Variants in PHACTR1 observed in about 807,000 individuals in gnomAD.
PHACTR1 encodes RPEL repeat containing 1.
Under a neutral mutation model 69.2 loss-of-function variants are expected in PHACTR1, and 16 were observed. That is an observed-to-expected ratio of 0.23 (90% confidence interval 0.16 to 0.35). PHACTR1 has a LOEUF of 0.35. Among genes scored for constraint, PHACTR1 ranks in the 10% least tolerant of loss-of-function variants. The pLI is 1.00. For missense variants in PHACTR1, 510 were observed against 734.7 expected, an observed-to-expected ratio of 0.69 and a Z score of 3.54; for synonymous variants, 312 against 284.5, an observed-to-expected ratio of 1.10 and a Z score of -0.97.
intron 4 of PHACTR1, among the ~76,000 whole-genome samples, chr6:12,981,904 C>T (rs1486085878): frequency 3.3e-5 from 5 of 152,156 alleles, no homozygotes; most frequent in Admixed American, 3.3e-4. Flanking sequence ...GTTGCTTGAA[C>T]CCCATCAAAT....
chr6:13,089,204 A>AC, intron 5 of PHACTR1, among the ~76,000 whole-genome samples: 1 of 151,874 alleles, frequency 6.6e-6, no homozygotes, highest in South Asian at 2.1e-4. Flanking sequence ...TCCCTCCACC[A>AC]CAAGAAGCCC....
intron 4 of PHACTR1, among the ~76,000 whole-genome samples, chr6:12,933,135 C>T (rs1185088016): frequency 6.6e-6 from 1 of 151,934 alleles, no homozygotes; most frequent in Non-Finnish European, 1.5e-5. Context: ...GTGGTTTAGC[C>T]ATGTTGGCCA....
At chr6:13,080,651 G>T (rs1811224578) in intron 5 of PHACTR1, among the ~76,000 whole-genome samples, 1 of 152,134 alleles carries the variant, frequency 6.6e-6, no homozygotes. Context: ...TCTTGGGAAT[G>T]AACTCATTTG....
At chr6:13,261,006 C>CT (rs556293073) in intron 10 of PHACTR1, among the ~76,000 whole-genome samples, 112 of 152,340 alleles carry the variant, frequency 7.4e-4, no homozygotes, top group African/African-American at 2.6e-3. Context: ...ACCCTGGCCT[C>CT]TATCTACCGG....
In PHACTR1 at chr6:13,206,193, G is replaced by T. The variant is rs1765895510; in HGVS notation, c.986+57G>T. On this transcript the variant is annotated intron_variant, in intron 8 of 14. Transcript: ENST00000332995. ...GGAGAGGGGTTGGCTGGGGAGGGGG[G>T]CCTAGGGATTTGGACCATGACTTAG... 2.7e-6 allele frequency: 4 copies of T among 1,455,714 alleles called. No homozygotes were observed. In the Admixed American group the frequency reaches 8.6e-5, roughly 31 times the overall value. The allele number at this position is 1,455,714 out of a possible 1,614,324, so 90.2% of individuals were successfully genotyped here. A position where few individuals can be genotyped will look rare whatever the true frequency, so the allele number is the denominator to read the frequency against.
At chr6:12,787,946 C>G (rs1442962211) in intron 4 of PHACTR1, among the ~76,000 whole-genome samples, 1 of 152,134 alleles carries the variant, frequency 6.6e-6, no homozygotes, top group African/African-American at 2.4e-5. Flanking sequence ...CACCTGAGGT[C>G]AGGAGTACGA....
chr6:12,944,650 C>T (rs982181869), intron 4 of PHACTR1, among the ~76,000 whole-genome samples: 6 of 152,120 alleles, frequency 3.9e-5, no homozygotes, highest in Admixed American at 6.5e-5. Context: ...AATGCCCAAG[C>T]GTGTTCTGAA....
At chr6:12,880,858 G>T (rs907875668) in intron 4 of PHACTR1, among the ~76,000 whole-genome samples, 21 of 146,518 alleles carry the variant, frequency 1.4e-4, no homozygotes, top group Non-Finnish European at 2.6e-4. Flanking sequence ...CATGTTCGCG[G>T]AACAGGCAAG....
chr6:13,211,454 T>C (rs536313621), intron 8 of PHACTR1, among the ~76,000 whole-genome samples: 1 of 152,354 alleles, frequency 6.6e-6, no homozygotes, highest in Admixed American at 6.5e-5. Context: ...CTGATCTTAA[T>C]TCGGCTGATC....
intron 4 of PHACTR1, among the ~76,000 whole-genome samples, chr6:13,026,348 G>A (rs536091498): frequency 5.9e-4 from 90 of 152,218 alleles, no homozygotes; most frequent in African/African-American, 2.0e-3. Context: ...AACTGGGCTC[G>A]GACAGGTCAT....
intron 8 of PHACTR1, among the ~76,000 whole-genome samples, chr6:13,214,999 T>A (rs1441499752): frequency 6.6e-6 from 1 of 152,204 alleles, no homozygotes; most frequent in Non-Finnish European, 1.5e-5. Flanking sequence ...ATCTACCTCT[T>A]CCTGTCCCAA....
chr6:13,031,132 G>T (rs1802401369), intron 4 of PHACTR1, among the ~76,000 whole-genome samples: 1 of 152,184 alleles, frequency 6.6e-6, no homozygotes, highest in Non-Finnish European at 1.5e-5. Context: ...GAGACATTAT[G>T]TCCCAACATA....
At chr6:12,740,644 C>G (rs1764913049) in intron 3 of PHACTR1, among the ~76,000 whole-genome samples, 1 of 151,960 alleles carries the variant, frequency 6.6e-6, no homozygotes, top group Non-Finnish European at 1.5e-5. Context: ...GTTATAAGTC[C>G]TTTGTTAAAT....
chr6:12,873,747 G>T (rs1782285457), intron 4 of PHACTR1, among the ~76,000 whole-genome samples: 1 of 152,226 alleles, frequency 6.6e-6, no homozygotes, highest in South Asian at 2.1e-4. Flanking sequence ...GATGTACAAA[G>T]GCCAAAGAGT....
At chr6:12,725,912 G>A (rs1330193172) in intron 3 of PHACTR1, among the ~76,000 whole-genome samples, 2 of 151,796 alleles carry the variant, frequency 1.3e-5, no homozygotes, top group Non-Finnish European at 2.9e-5. Flanking sequence ...CATTTTTATG[G>A]GTACATAGTA....
chr6:12,933,624 A>G (rs1381515617), intron 4 of PHACTR1: 1 of 1,612,196 alleles, frequency 6.2e-7, no homozygotes, highest in Non-Finnish European at 8.5e-7. Flanking sequence ...ATGTTTCCAC[A>G]ATGTCCAGGC....
At position 12,735,571 on chromosome 6, in the gene PHACTR1, C is replaced by T. The variant is rs559469817; in HGVS notation, c.104-14073C>T. Among the ~76,000 whole-genome samples the T allele has an allele frequency of 9.8e-5, 15 of 152,296 alleles. No homozygotes were observed. The South Asian group carries it at 3.1e-3, about 32-fold the overall frequency. ...CATCAAGTGGTTTCAAAATTAGGCACAATATTGCATAATTATGTAGGCTCT... is the reference window on the plus strand; with the variant it reads ...CATCAAGTGGTTTCAAAATTAGGCATAATATTGCATAATTATGTAGGCTCT... On this transcript the variant is annotated intron_variant, in intron 3 of 14. Transcript: ENST00000332995.
At chr6:12,819,600 C>A (rs1026614066) in intron 4 of PHACTR1, among the ~76,000 whole-genome samples, 2 of 152,116 alleles carry the variant, frequency 1.3e-5, no homozygotes, top group East Asian at 3.8e-4. Context: ...AATATGAATT[C>A]TTGTCTATCC....
chr6:12,764,012 T>C (rs567878180), intron 4 of PHACTR1, among the ~76,000 whole-genome samples: 54 of 152,304 alleles, frequency 3.5e-4, no homozygotes, highest in Non-Finnish European at 6.2e-4. Context: ...AAGCAGAAGG[T>C]ATTCATACCA....
Sources: gnomAD v4.1 joint callset for allele counts (sites outside exome capture counted in the v4.1 genomes callset) on GRCh38, gnomAD v4.1.1 for gene constraint, MANE v1.5 for transcripts, NCBI Gene and HGNC (gene_info 2026-07-23, HGNC 2026-07-21) for gene names.